NCKAP5: variants seen among roughly 807,000 people sequenced by gnomAD.
The protein encoded by NCKAP5 is nck-associated protein 5.
In NCKAP5, 92 loss-of-function variants were observed where a neutral mutation model predicts 167.0. The observed-to-expected ratio is 0.55, with a 90% CI of 0.47 to 0.66. The LOEUF (loss-of-function observed/expected upper bound fraction) is 0.66, where lower values mean the gene tolerates loss of function less well. NCKAP5 is among the 30% of genes least tolerant of loss of function. NCKAP5 has a pLI of 0.00. For missense variants in NCKAP5, 2,378 were observed against 2,315.0 expected (o/e 1.03, Z -0.56); for synonymous variants, 891 against 877.4 (o/e 1.02, Z -0.27).
chr2:132,963,872 G>A lies in NCKAP5; in HGVS notation c.430-3C>T. 1 of 1,613,326 alleles carries A rather than the reference G, an allele frequency of 6.2e-7. No individual in the cohort carries two copies. On this transcript the variant is annotated splice_region_variant and splice_polypyrimidine_tract_variant and intron_variant, in intron 7 of 19. Coordinates refer to ENST00000409261, the MANE Select transcript of NCKAP5 (RefSeq NM_207363.3). ...CTCTCTTCCTCTGACAGCTTTTCCT[G>A]AAGCAAGAAAGAATTACTGTTTTCA... is the stretch of plus-strand genomic sequence containing the variant.
intron 3 of NCKAP5, among the ~76,000 whole-genome samples, chr2:133,421,217 T>C (rs1689453922): frequency 6.6e-6 from 1 of 152,272 alleles, no homozygotes; most frequent in African/African-American, 2.4e-5. Flanking sequence ...CATTCCACAT[T>C]ACAGCTAAAA....
chr2:132,970,555 C>A (rs546980746), intron 7 of NCKAP5, among the ~76,000 whole-genome samples: 1 of 152,250 alleles, frequency 6.6e-6, no homozygotes, highest in South Asian at 2.1e-4. Context: ...AGCTTGTTTA[C>A]CTCAACAAAT....
chr2:132,868,550 G>T (rs1473127117), intron 10 of NCKAP5, among the ~76,000 whole-genome samples: 2 of 152,160 alleles, frequency 1.3e-5, no homozygotes, highest in Non-Finnish European at 2.9e-5. Context: ...GAAATTAAAT[G>T]ACTTCCCTAA....
At chr2:132,863,765 A>G (rs1690125265) in intron 10 of NCKAP5, among the ~76,000 whole-genome samples, 1 of 152,196 alleles carries the variant, frequency 6.6e-6, no homozygotes, top group South Asian at 2.1e-4. Context: ...TGTTTTTAAT[A>G]TTCTTATTTT....
chr2:133,268,721 C>T (rs2089367925), intron 4 of NCKAP5, among the ~76,000 whole-genome samples: 1 of 152,142 alleles, frequency 6.6e-6, no homozygotes, highest in African/African-American at 2.4e-5. Flanking sequence ...CCGCCCGCCG[C>T]GGCCTCCAAA....
intron 2 of NCKAP5, among the ~76,000 whole-genome samples, chr2:133,532,270 T>C (rs1685430905): frequency 6.6e-6 from 1 of 152,230 alleles, no homozygotes; most frequent in Non-Finnish European, 1.5e-5. Flanking sequence ...TTACATTTTT[T>C]ACCATTTTCA....
At chr2:133,254,997 C>T (rs971016260) in intron 4 of NCKAP5, among the ~76,000 whole-genome samples, 3 of 152,080 alleles carry the variant, frequency 2.0e-5, no homozygotes, top group Admixed American at 6.5e-5. Flanking sequence ...TAATCATTAG[C>T]TGTGTGAAAC....
At chr2:132,808,643 T>G (rs189954062) in intron 11 of NCKAP5, among the ~76,000 whole-genome samples, 1 of 152,272 alleles carries the variant, frequency 6.6e-6, no homozygotes, top group African/African-American at 2.4e-5. Context: ...TGTTTGGATT[T>G]TCTCTCTTCT....
At chr2:133,615,540 A>C in the NCKAP5 span, among the ~76,000 whole-genome samples, 1 of 152,238 alleles carries the variant, frequency 6.6e-6, no homozygotes. Context: ...AACAAAGATC[A>C]AAAGAGACAA....
At chr2:133,234,694 G>A (rs1289954911) in intron 4 of NCKAP5, among the ~76,000 whole-genome samples, 1 of 151,962 alleles carries the variant, frequency 6.6e-6, no homozygotes. Flanking sequence ...AATTTTCCAG[G>A]TGCTTTTGAA....
At chr2:133,064,202 T>G (rs867861412) in intron 6 of NCKAP5, among the ~76,000 whole-genome samples, 9 of 152,208 alleles carry the variant, frequency 5.9e-5, no homozygotes, top group Non-Finnish European at 8.8e-5. Flanking sequence ...ATAAATAAAA[T>G]GTCATCAGGG....
At position 133,410,590 on chromosome 2, in the gene NCKAP5, A is replaced by G. The variant is rs79439865; in HGVS notation, c.69+106868T>C. 2.5e-3 allele frequency among the ~76,000 whole-genome samples: 382 copies of G among 152,290 alleles called. 2 individuals carry two copies. The highest frequency in any genetic ancestry group is 8.3e-3 in the African/African-American group (345 of 41,552). On this transcript the variant is annotated intron_variant, in intron 3 of 19. Coordinates refer to ENST00000409261, the MANE Select transcript of NCKAP5 (RefSeq NM_207363.3). ...AAACCTACCTCCATTCCCACTTGCT[A>G]TGCAGCTCTGTGCTTCTCAGAGTGG...
chr2:133,258,314 T>C (rs1336892896), intron 4 of NCKAP5, among the ~76,000 whole-genome samples: 3 of 152,172 alleles, frequency 2.0e-5, no homozygotes, highest in African/African-American at 7.2e-5. Flanking sequence ...AAATCCAACC[T>C]CTGCATCATT....
At chr2:133,424,353 C>T (rs1028973958) in intron 3 of NCKAP5, among the ~76,000 whole-genome samples, 2 of 152,284 alleles carry the variant, frequency 1.3e-5, no homozygotes, top group Admixed American at 1.3e-4. Flanking sequence ...ACCAAGATGG[C>T]CACCCAACTT....
At chr2:133,055,251 CA>C (rs937083531) in intron 6 of NCKAP5, among the ~76,000 whole-genome samples, 1 of 151,380 alleles carries the variant, frequency 6.6e-6, no homozygotes, top group Non-Finnish European at 1.5e-5. Context: ...ATCCAAAAAA[CA>C]AAAAAAGAAT....
intron 10 of NCKAP5, among the ~76,000 whole-genome samples, chr2:132,866,088 C>G (rs528476799): frequency 2.2e-4 from 33 of 152,216 alleles, no homozygotes; most frequent in Non-Finnish European, 4.3e-4. Flanking sequence ...CCATACCCAG[C>G]TTTATTCCAT....
intron 2 of NCKAP5, among the ~76,000 whole-genome samples, chr2:133,522,524 CAG>C (rs1363056252): frequency 6.6e-6 from 1 of 152,110 alleles, no homozygotes; most frequent in African/African-American, 2.4e-5. Flanking sequence ...CTCTAGAGGA[CAG>C]AGAGAGCATT....
At chr2:133,033,961 G>C (rs2078963490) in intron 6 of NCKAP5, among the ~76,000 whole-genome samples, 1 of 152,006 alleles carries the variant, frequency 6.6e-6, no homozygotes, top group South Asian at 2.1e-4. Context: ...TATTCAAAGG[G>C]ATAACAGATA....
intron 3 of NCKAP5, among the ~76,000 whole-genome samples, chr2:133,494,334 A>G (rs975165221): frequency 2.0e-5 from 3 of 152,094 alleles, no homozygotes; most frequent in African/African-American, 7.2e-5. Flanking sequence ...GTTCACCAAG[A>G]TATCTCAGTT....
Sources: gnomAD v4.1 joint callset for allele counts (sites outside exome capture counted in the v4.1 genomes callset) on GRCh38, gnomAD v4.1.1 for gene constraint, MANE v1.5 for transcripts, NCBI Gene and HGNC (gene_info 2026-07-23, HGNC 2026-07-21) for gene names.